Variants in WWP1 observed in about 807,000 individuals in gnomAD.
The protein encoded by WWP1 is WW domain containing E3 ubiquitin protein ligase 1.
WWP1 carries 49 observed loss-of-function variants against 130.6 expected under a neutral mutation model. That is an observed-to-expected ratio of 0.38 (90% CI 0.30 to 0.48). The LOEUF is 0.48. Among genes scored for constraint, WWP1 ranks in the 20% least tolerant of loss-of-function variants. WWP1 has a pLI of 0.99. For missense variants in WWP1, 809 were observed against 1,100.6 expected (o/e 0.74, Z 3.75); for synonymous variants, 332 against 367.8 (o/e 0.90, Z 1.11).
In WWP1 at chr8:86,452,595, A is replaced by G; in HGVS notation, c.2310A>G (p.Gln770=). The change falls in exon 21 of 25, where the codon CAA becomes CAG. Residue 770 remains glutamine (Q), a synonymous_variant. Coordinates refer to ENST00000517970, the MANE Select transcript of WWP1 (RefSeq NM_007013.4). ...AATGGCGTTTTTCTCGAGGAGTACAAGAACAGACCAAAGCTTTCCTTGATG... is the reference window on the plus strand; with the variant it reads ...AATGGCGTTTTTCTCGAGGAGTACAGGAACAGACCAAAGCTTTCCTTGATG... ...MTEWRFSRGV[Q]EQTKAFLDGF... is the part of the protein sequence containing the mutation. The G allele has an allele frequency of 1.9e-6, 3 of 1,612,946 alleles. No individual in the cohort carries two copies. Among genetic ancestry groups the G allele is most frequent in the Non-Finnish European group, 2.5e-6 (3 of 1,179,446 alleles).
At chr8:86,393,003 A>G (rs1307309852) in intron 5 of WWP1, among the ~76,000 whole-genome samples, 1 of 151,314 alleles carries the variant, frequency 6.6e-6, no homozygotes, top group Non-Finnish European at 1.5e-5. Flanking sequence ...TATTAGATAA[A>G]AAAATGAGAA....
chr8:86,461,680 A>C, intron 23 of WWP1, 94 bp from the exon 24 acceptor site: 1 of 985,312 alleles, frequency 1.0e-6, no homozygotes, highest in Non-Finnish European at 1.6e-6. Flanking sequence ...TGTATCATTC[A>C]TATGACTGTG....
intron 9 of WWP1, among the ~76,000 whole-genome samples, chr8:86,422,313 C>T (rs1809268968): frequency 7.5e-6 from 1 of 133,160 alleles, no homozygotes; most frequent in Non-Finnish European, 1.6e-5. Flanking sequence ...TCAGAAGTAC[C>T]AGTTTGTATT....
chr8:86,431,329 A>G, intron 12 of WWP1, 77 bp from the exon 13 acceptor site: 1 of 363,276 alleles, frequency 2.8e-6, no homozygotes, highest in Non-Finnish European at 4.3e-6. Context: ...TATATATTAT[A>G]TATAATTATA....
intron 11 of WWP1, 86 bp downstream of exon 11, chr8:86,427,903 T>C: frequency 7.5e-7 from 1 of 1,339,912 alleles, no homozygotes; most frequent in Middle Eastern, 1.9e-4. Flanking sequence ...TTGACCATAA[T>C]CACATATCTA....
chr8:86,394,933 T>TAA (rs10694206), intron 5 of WWP1, among the ~76,000 whole-genome samples: 9,002 of 76,344 alleles, frequency 0.12, 776 homozygotes, highest in African/African-American at 0.17. Flanking sequence ...CTGTTCTTCT[T>TAA]AAAAAAAAAA....
chr8:86,385,841 C>T (rs1376800758), intron 5 of WWP1, among the ~76,000 whole-genome samples: 1 of 152,000 alleles, frequency 6.6e-6, no homozygotes, highest in East Asian at 1.9e-4. Context: ...TGAAATCTTA[C>T]CATGGAATCT....
chr8:86,423,223 TTTTA>T (rs1809334747), intron 9 of WWP1, among the ~76,000 whole-genome samples: 1 of 151,844 alleles, frequency 6.6e-6, no homozygotes. Flanking sequence ...TATTTATTTA[TTTTA>T]TTTATTTATT....
Position 86,395,745 on chromosome 8 carries a change from A to G in WWP1, c.335-2597A>G, listed in dbSNP as rs547228378. On this transcript the variant is annotated intron_variant, in intron 5 of 24. Coordinates refer to ENST00000517970, the MANE Select transcript of WWP1 (RefSeq NM_007013.4). ...GAGTATTTGCAAAAATTTATGAATT[A>G]GAATTGCAGAATTAGTAATAAGAGA... Among the ~76,000 whole-genome samples the G allele has an allele frequency of 1.1e-4, 16 of 152,376 alleles. No individual in the cohort carries two copies. In the South Asian group the frequency reaches 3.3e-3, roughly 32 times the overall value.
chr8:86,369,469 A>G (rs1455704036), intron 2 of WWP1, among the ~76,000 whole-genome samples: 2 of 152,146 alleles, frequency 1.3e-5, no homozygotes, highest in Non-Finnish European at 2.9e-5. Flanking sequence ...AAGGGTTTAT[A>G]TAGAATAAAG....
intron 5 of WWP1, among the ~76,000 whole-genome samples, chr8:86,392,958 G>A (rs550400136): frequency 1.2e-4 from 18 of 152,192 alleles, no homozygotes; most frequent in Admixed American, 2.6e-4. Context: ...CAAACGTAGC[G>A]TATGACAGCA....
At chr8:86,422,343 T>G (rs1262513507) in intron 9 of WWP1, among the ~76,000 whole-genome samples, 4 of 149,332 alleles carry the variant, frequency 2.7e-5, no homozygotes, top group African/African-American at 4.9e-5. Flanking sequence ...ATTTATTTAT[T>G]TATTTATTTA....
chr8:86,361,839 T>A (rs1475840433), intron 1 of WWP1, among the ~76,000 whole-genome samples: 2 of 151,960 alleles, frequency 1.3e-5, no homozygotes, highest in African/African-American at 4.8e-5. Flanking sequence ...TTTCTGTCAA[T>A]GAACTTAAAA....
intron 1 of WWP1, among the ~76,000 whole-genome samples, chr8:86,356,946 C>T (rs1441007190): frequency 1.3e-5 from 2 of 152,154 alleles, no homozygotes; most frequent in South Asian, 2.1e-4. Context: ...CCAACGACTT[C>T]GTCTAGTTTG....
intron 18 of WWP1, among the ~76,000 whole-genome samples, chr8:86,446,297 T>G (rs941158409): frequency 1.1e-4 from 17 of 152,174 alleles, no homozygotes; most frequent in Non-Finnish European, 2.2e-4. Context: ...TTATGTATCT[T>G]CTTTTGAGAA....
At chr8:86,379,037 T>C (rs1824830124) in intron 3 of WWP1, among the ~76,000 whole-genome samples, 1 of 152,238 alleles carries the variant, frequency 6.6e-6, no homozygotes, top group Non-Finnish European at 1.5e-5. Flanking sequence ...AACCCAGATA[T>C]GTCTATCCCT....
intron 21 of WWP1, 93 bp from the exon 22 acceptor site, chr8:86,457,828 G>T (rs1811541692): frequency 9.1e-7 from 1 of 1,097,406 alleles, no homozygotes; most frequent in Non-Finnish European, 1.3e-6. Context: ...CACATAATTT[G>T]CCATGTGCAT....
intron 1 of WWP1, among the ~76,000 whole-genome samples, chr8:86,361,332 C>T (rs1213903679): frequency 6.6e-6 from 1 of 152,120 alleles, no homozygotes; most frequent in African/African-American, 2.4e-5. Context: ...CAGTAGTCCA[C>T]CACTTATAGA....
chr8:86,392,411 G>T (rs944216256), intron 5 of WWP1, among the ~76,000 whole-genome samples: 1 of 152,098 alleles, frequency 6.6e-6, no homozygotes, highest in African/African-American at 2.4e-5. Flanking sequence ...GAGTGAGATG[G>T]CTGCCATTCA....
Sources: allele counts gnomAD v4.1 joint callset (sites outside exome capture counted in the v4.1 genomes callset), GRCh38; gene constraint gnomAD v4.1.1; transcripts MANE v1.5; gene names NCBI Gene and HGNC (gene_info 2026-07-23, HGNC 2026-07-21).